RNF32: variants seen among roughly 807,000 people sequenced by gnomAD.
The protein encoded by RNF32 is ring finger protein 32.
In RNF32, 36 loss-of-function variants were observed where a neutral mutation model predicts 41.0. That is an observed-to-expected ratio of 0.88 (90% CI 0.67 to 1.16). The LOEUF (loss-of-function observed/expected upper bound fraction) is 1.16. Among genes scored for constraint, RNF32 ranks in the 50% most tolerant of loss-of-function variants. The pLI, the probability that RNF32 is intolerant of heterozygous loss-of-function variation, is 0.00. For synonymous variants in RNF32, 154 were observed against 160.9 expected, an observed-to-expected ratio of 0.96 and a Z score of 0.32; for missense variants, 413 against 436.7, an observed-to-expected ratio of 0.95 and a Z score of 0.48.
At chr7:156,673,900 C>T (rs1216108632) in intron 7 of RNF32, among the ~76,000 whole-genome samples, 2 of 107,746 alleles carry the variant, frequency 1.9e-5, no homozygotes, top group Non-Finnish European at 3.5e-5. Context: ...GGTTGCTCCA[C>T]ATTAATAAAA....
chr7:156,647,672 A>G (rs1798149547), intron 3 of RNF32, among the ~76,000 whole-genome samples: 1 of 152,114 alleles, frequency 6.6e-6, no homozygotes, highest in South Asian at 2.1e-4. Flanking sequence ...TCATATAATG[A>G]CTTCTTTTCC....
At chr7:156,672,185 GATTT>G (rs2131674170) in intron 7 of RNF32, among the ~76,000 whole-genome samples, 2 of 152,294 alleles carry the variant, frequency 1.3e-5, no homozygotes, top group Admixed American at 1.3e-4. Flanking sequence ...CCCTCCCTGA[GATTT>G]ATTTGGTATA....
chr7:156,654,624 A>T lies in RNF32; in HGVS notation c.323A>T (p.Asp108Val). Residue 108 changes from aspartate (D) to valine (V), a missense_variant, in exon 4 of 9, where the codon GAT (aspartate) becomes GTT (valine). Asp to Val is a radical substitution (Grantham distance 152). Coordinates refer to ENST00000317955, the MANE Select transcript of RNF32 (RefSeq NM_030936.4). ...CCTCCACCACCTCCACTGTCATCAG[A>T]TGAATGGGAGAAGGTGAAACAGCGC... Reference protein sequence around the residue: ...IGPPPPPLSSDEWEKVKQRSL... With the variant: ...IGPPPPPLSSVEWEKVKQRSL... 1 of 1,614,100 alleles carries T rather than the reference A, an allele frequency of 6.2e-7. No individual in the cohort carries two copies.
intron 3 of RNF32, among the ~76,000 whole-genome samples, chr7:156,650,520 A>T (rs1259236226): frequency 6.6e-6 from 1 of 152,242 alleles, no homozygotes; most frequent in African/African-American, 2.4e-5. Context: ...TTGTGGCCAG[A>T]GAGCACAGCA....
At chr7:156,671,884 G>A (rs7803361) in intron 7 of RNF32, among the ~76,000 whole-genome samples, 91,233 of 152,002 alleles carry the variant, frequency 0.6, 29,026 homozygotes, top group African/African-American at 0.81. Flanking sequence ...GAAAATAAAC[G>A]GTTCTAAATA....
At chr7:156,674,976 C>A (rs60405374) in intron 7 of RNF32, among the ~76,000 whole-genome samples, 1 of 152,092 alleles carries the variant, frequency 6.6e-6, no homozygotes, top group African/African-American at 2.4e-5. Context: ...AACAATATAC[C>A]CTTTTCCCCT....
chr7:156,642,843 A>C (rs764308643), intron 1 of RNF32: 5 of 152,264 alleles, frequency 3.3e-5, no homozygotes, highest in African/African-American at 1.2e-4. Flanking sequence ...CCAAACAGAC[A>C]GTGGCCCCTG....
intron 7 of RNF32, among the ~76,000 whole-genome samples, chr7:156,675,425 G>A (rs998055298): frequency 1.3e-5 from 2 of 152,130 alleles, no homozygotes; most frequent in African/African-American, 4.8e-5. Context: ...GGGAAGGAAT[G>A]TTTTTTCCTT....
intron 3 of RNF32, among the ~76,000 whole-genome samples, chr7:156,647,322 C>T (rs947454918): frequency 9.2e-5 from 14 of 152,116 alleles, no homozygotes; most frequent in African/African-American, 2.9e-4. Context: ...CTGTACCTAA[C>T]GTGCAGTCTT....
intron 7 of RNF32, among the ~76,000 whole-genome samples, chr7:156,671,645 A>G (rs7786612): frequency 0.2 from 30,845 of 151,054 alleles, 3,277 homozygotes; most frequent in South Asian, 0.31. Context: ...GTACTGCAGG[A>G]CGCCGATGTT....
intron 3 of RNF32, among the ~76,000 whole-genome samples, chr7:156,649,904 CTT>C (rs1336232291): frequency 1.3e-5 from 2 of 152,218 alleles, no homozygotes; most frequent in Non-Finnish European, 2.9e-5. Context: ...GCCATATAAG[CTT>C]CACCAAATAA....
Position 156,675,685 on chromosome 7 carries a change from CT to C in RNF32, c.685-10del. Reference sequence around the variant, plus strand: ...CAGGTGTGAGCTTACCCGCCCCCGCCTCCTCCTCAGTTCACAGAAATCAGCC... The same window carrying C: ...CAGGTGTGAGCTTACCCGCCCCCGCCCCTCCTCAGTTCACAGAAATCAGCC... On this transcript the variant is annotated splice_polypyrimidine_tract_variant and intron_variant, in intron 7 of 8. Transcript: ENST00000317955. The C allele has an allele frequency of 6.2e-7, 1 of 1,605,942 alleles. No homozygotes were observed. Among genetic ancestry groups the C allele is most frequent in the South Asian group, 1.1e-5 (1 of 90,878 alleles).
At chr7:156,651,109 A>T (rs569858579) in intron 3 of RNF32, among the ~76,000 whole-genome samples, 1 of 152,104 alleles carries the variant, frequency 6.6e-6, no homozygotes, top group Non-Finnish European at 1.5e-5. Context: ...TTCTATGAGG[A>T]TTATAACAGA....
intron 7 of RNF32, chr7:156,659,731 C>T: frequency 1.4e-6 from 1 of 738,294 alleles, no homozygotes; most frequent in Non-Finnish European, 1.7e-6. Flanking sequence ...GAGAACTGGC[C>T]CAGGTTGCTG....
intron 4 of RNF32, 89 bp from the exon 5 acceptor site, chr7:156,657,452 T>A (rs765576363): frequency 7.1e-5 from 89 of 1,256,388 alleles, no homozygotes; most frequent in Non-Finnish European, 9.7e-5. Context: ...TAATACAGCT[T>A]ACCTTCTAAG....
intron 8 of RNF32, 166 bp from the exon 9 acceptor site, chr7:156,676,253 A>G (rs1209662824): frequency 5.9e-6 from 9 of 1,538,240 alleles, no homozygotes; most frequent in Non-Finnish European, 3.5e-6. Flanking sequence ...GTGTATATAT[A>G]TATGTATATA....
At chr7:156,656,977 T>C (rs1034583724) in intron 4 of RNF32, among the ~76,000 whole-genome samples, 1 of 152,234 alleles carries the variant, frequency 6.6e-6, no homozygotes, top group Non-Finnish European at 1.5e-5. Flanking sequence ...AGTATATCAC[T>C]GTTTAGTGGG....
chr7:156,640,204 GCGGGGGGAT>G, upstream of RNF32: 1 of 455,036 alleles, frequency 2.2e-6, no homozygotes, highest in Non-Finnish European at 4.4e-6. Context: ...CCTGAGCGGC[GCGGGGGGAT>G]CGGGGGATCC....
intron 2 of RNF32, among the ~76,000 whole-genome samples, 181 bp downstream of exon 2, chr7:156,644,073 G>C (rs936648092): frequency 2.0e-5 from 3 of 152,134 alleles, no homozygotes; most frequent in African/African-American, 7.2e-5. Context: ...AACAATCTCT[G>C]GCGATATTTA....
Sources: gnomAD v4.1 joint callset for allele counts (sites outside exome capture counted in the v4.1 genomes callset) on GRCh38, gnomAD v4.1.1 for gene constraint, MANE v1.5 for transcripts, NCBI Gene and HGNC (gene_info 2026-07-23, HGNC 2026-07-21) for gene names.